Variants in TSPAN9 observed in about 807,000 individuals in gnomAD.
TSPAN9 encodes the protein tetraspanin 9.
TSPAN9 carries 16 observed loss-of-function variants against 31.0 expected under a neutral mutation model. The observed-to-expected ratio is 0.52, with a 90% CI of 0.35 to 0.78. TSPAN9 has a LOEUF of 0.78. TSPAN9 is among the 30% of genes least tolerant of loss of function. TSPAN9 has a pLI of 0.01. For missense variants in TSPAN9, 272 were observed against 312.5 expected (o/e 0.87, Z 0.98); for synonymous variants, 145 against 121.6 (o/e 1.19, Z -1.27).
intron 2 of TSPAN9, among the ~76,000 whole-genome samples, chr12:3,129,628 C>G (rs34505257): frequency 0.13 from 20,498 of 152,176 alleles, 1,735 homozygotes; most frequent in Middle Eastern, 0.22. Context: ...TGGTAACTAC[C>G]TTGTAGGGCT....
chr12:3,176,792 C>T (rs912584422), intron 2 of TSPAN9, among the ~76,000 whole-genome samples: 1 of 152,222 alleles, frequency 6.6e-6, no homozygotes, highest in Admixed American at 6.5e-5. Flanking sequence ...GGCTGAGAAT[C>T]GTGCACCTTT....
At chr12:3,180,393 C>T (rs59767978) in intron 2 of TSPAN9, among the ~76,000 whole-genome samples, 5,758 of 152,036 alleles carry the variant, frequency 0.038, 351 homozygotes, top group African/African-American at 0.13. Context: ...AGGAGAATCA[C>T]TTGAACCTGG....
At chr12:3,130,327 A>G (rs2098329278) in intron 2 of TSPAN9, among the ~76,000 whole-genome samples, 1 of 152,166 alleles carries the variant, frequency 6.6e-6, no homozygotes, top group Non-Finnish European at 1.5e-5. Flanking sequence ...TCTATTTAAC[A>G]ACATTTCCCC....
At chr12:3,100,210 G>A (rs1457050960) in intron 2 of TSPAN9, among the ~76,000 whole-genome samples, 3 of 152,174 alleles carry the variant, frequency 2.0e-5, no homozygotes, top group African/African-American at 4.8e-5. Flanking sequence ...TCCACAGATT[G>A]TTGGGCCTGT....
intron 3 of TSPAN9, among the ~76,000 whole-genome samples, chr12:3,249,376 C>T (rs1387966341): frequency 1.3e-5 from 2 of 152,338 alleles, no homozygotes; most frequent in African/African-American, 4.8e-5. Context: ...CCACCATTCT[C>T]TCCAGATCAA....
intron 2 of TSPAN9, among the ~76,000 whole-genome samples, chr12:3,120,561 C>T (rs898864035): frequency 6.6e-6 from 1 of 152,254 alleles, no homozygotes; most frequent in Admixed American, 6.5e-5. Context: ...TAGCTCAGCC[C>T]TTCCCTGTCC....
chr12:3,196,061 C>T (rs2098366922), intron 2 of TSPAN9, among the ~76,000 whole-genome samples: 1 of 152,210 alleles, frequency 6.6e-6, no homozygotes, highest in Admixed American at 6.5e-5. Flanking sequence ...TTACTCAGCT[C>T]AGCTTTGTGT....
In TSPAN9 at chr12:3,201,172, C is replaced by A. The variant is rs377163510; in HGVS notation, c.-17-5C>A. Reference sequence around the variant, plus strand: ...ACCTGGACCTGTCCTTTGTGTTCCTCCTAGAATTTAAGAAGTGCAACATGG... The same window carrying A: ...ACCTGGACCTGTCCTTTGTGTTCCTACTAGAATTTAAGAAGTGCAACATGG... On this transcript the variant is annotated splice_polypyrimidine_tract_variant and splice_region_variant and intron_variant, in intron 2 of 8. Coordinates refer to ENST00000011898, the MANE Select transcript of TSPAN9 (RefSeq NM_006675.5). The A allele has an allele frequency of 6.2e-7, 1 of 1,613,296 alleles. No individual in the cohort carries two copies. The highest frequency in any genetic ancestry group is 8.5e-7 in the Non-Finnish European group (1 of 1,179,306).
At chr12:3,205,730 C>A (rs1212788070) in intron 3 of TSPAN9, among the ~76,000 whole-genome samples, 3 of 140,978 alleles carry the variant, frequency 2.1e-5, no homozygotes, top group Admixed American at 6.9e-5. Flanking sequence ...CCCCCCCCCC[C>A]AGAGTGCTCA....
intron 3 of TSPAN9, among the ~76,000 whole-genome samples, chr12:3,215,941 C>T (rs2098381173): frequency 6.6e-6 from 1 of 152,218 alleles, no homozygotes; most frequent in Non-Finnish European, 1.5e-5. Context: ...CTCATTTCTT[C>T]TGTCTGGGGA....
At chr12:3,119,441 G>A (rs995911860) in intron 2 of TSPAN9, among the ~76,000 whole-genome samples, 7 of 152,276 alleles carry the variant, frequency 4.6e-5, no homozygotes, top group East Asian at 1.9e-4. Flanking sequence ...TCTGAGCTTC[G>A]CCAGGCCTGC....
intron 3 of TSPAN9, among the ~76,000 whole-genome samples, chr12:3,275,155 C>A (rs759613683): frequency 6.6e-6 from 1 of 152,176 alleles, no homozygotes; most frequent in Non-Finnish European, 1.5e-5. Context: ...GAGTTTCTGA[C>A]CTAAGAGGTT....
chr12:3,083,886 T>A (rs1361550916), intron 2 of TSPAN9, 167 bp downstream of exon 2: 1 of 152,346 alleles, frequency 6.6e-6, no homozygotes, highest in African/African-American at 2.4e-5. Flanking sequence ...GGCTTTGATT[T>A]TCTAAGCTCC....
At chr12:3,239,375 C>G (rs2153976977) in intron 3 of TSPAN9, among the ~76,000 whole-genome samples, 1 of 151,840 alleles carries the variant, frequency 6.6e-6, no homozygotes, top group Middle Eastern at 3.4e-3. Flanking sequence ...AAAGCACACG[C>G]TGGCACACCC....
At chr12:3,245,363 C>G (rs1212354098) in intron 3 of TSPAN9, among the ~76,000 whole-genome samples, 1 of 152,190 alleles carries the variant, frequency 6.6e-6, no homozygotes, top group East Asian at 1.9e-4. Context: ...TCCACCCTGA[C>G]CATGGAAAGG....
chr12:3,090,404 G>C (rs956496717), intron 2 of TSPAN9, among the ~76,000 whole-genome samples: 5 of 152,242 alleles, frequency 3.3e-5, no homozygotes, highest in African/African-American at 1.2e-4. Context: ...GTAGCAGTCA[G>C]CTGGTAGCTC....
At chr12:3,267,896 C>T (rs763160934) in intron 3 of TSPAN9, among the ~76,000 whole-genome samples, 1 of 152,188 alleles carries the variant, frequency 6.6e-6, no homozygotes, top group South Asian at 2.1e-4. Flanking sequence ...GAGTGCCCAC[C>T]CTGCACATCA....
Position 3,152,613 on chromosome 12 carries a change from T to A in TSPAN9, c.-17-48564T>A, listed in dbSNP as rs2098340377. 3.3e-5 allele frequency among the ~76,000 whole-genome samples: 5 copies of A among 152,050 alleles called. No homozygotes were observed. The South Asian group carries it at 1.0e-3, about 32-fold the overall frequency. ...CTTTTCTTTCTTTTTTGAGACGGAG[T>A]CTCGCTCTGTTGCCCAGGCTGGTGT... On this transcript the variant is annotated intron_variant, in intron 2 of 8. Transcript: ENST00000011898.
intron 2 of TSPAN9, among the ~76,000 whole-genome samples, chr12:3,154,020 G>A (rs1238023557): frequency 4.1e-5 from 6 of 144,784 alleles, no homozygotes; most frequent in Admixed American, 3.4e-4. Context: ...ATGTGTGTGT[G>A]TGTGTGTGTG....
Sources: allele counts gnomAD v4.1 joint callset (sites outside exome capture counted in the v4.1 genomes callset), GRCh38; gene constraint gnomAD v4.1.1; transcripts MANE v1.5; gene names NCBI Gene and HGNC (gene_info 2026-07-23, HGNC 2026-07-21).